SAMD5: variants seen among roughly 807,000 people sequenced by gnomAD.
The protein encoded by SAMD5 is sterile alpha motif domain-containing protein 5.
A neutral mutation model predicts 11.3 loss-of-function variants in SAMD5; 13 were observed. The ratio of observed to expected loss-of-function variants is 1.15; its 90% confidence interval spans 0.75 to 1.83. The LOEUF (loss-of-function observed/expected upper bound fraction) is 1.83. SAMD5 is among the 40% of genes most tolerant of loss of function. The probability of loss-of-function intolerance (pLI) is 0.00; values close to 1 mark genes in which losing one functional copy is unlikely to be tolerated. For missense variants in SAMD5, 255 were observed against 239.1 expected (o/e 1.07, Z -0.44); for synonymous variants, 129 against 111.3 (o/e 1.16, Z -1.00).
chr6:147,913,105 A>G, the SAMD5 span, among the ~76,000 whole-genome samples: 1 of 152,202 alleles, frequency 6.6e-6, no homozygotes, highest in Non-Finnish European at 1.5e-5. Flanking sequence ...AATATAATTA[A>G]ATCTTTAGAG....
intron 1 of SAMD5, among the ~76,000 whole-genome samples, chr6:147,510,461 G>T (rs1206673013): frequency 1.3e-5 from 2 of 152,154 alleles, no homozygotes; most frequent in Non-Finnish European, 2.9e-5. Context: ...ACTTAGAAGA[G>T]CCCAGGGAGA....
chr6:147,839,025 A>G, the SAMD5 span, among the ~76,000 whole-genome samples: 1 of 152,242 alleles, frequency 6.6e-6, no homozygotes, highest in East Asian at 1.9e-4. Flanking sequence ...CAAAGTTGAA[A>G]TAAATTTCTA....
the SAMD5 span, among the ~76,000 whole-genome samples, chr6:147,793,353 G>A: frequency 6.6e-6 from 1 of 152,116 alleles, no homozygotes; most frequent in Non-Finnish European, 1.5e-5. Flanking sequence ...TTATAAGCAA[G>A]GAAAGTCTAA....
In SAMD5 at chr6:147,570,007, A is replaced by ACACAG. The variant is rs1355267567; in HGVS notation, c.*5552_*5553insACAGC. 531 of 985,258 alleles carry ACACAG rather than the reference A, an allele frequency of 5.4e-4. No homozygotes were observed. Among genetic ancestry groups the ACACAG allele is most frequent in the Non-Finnish European group, 6.2e-4 (518 of 829,900 alleles). 61.0% of individuals were successfully genotyped at this position (985,258 alleles called of 1,614,324 possible). A position where few individuals can be genotyped will look rare whatever the true frequency, so the allele number is the denominator to read the frequency against. On this transcript the variant is annotated 3_prime_UTR_variant, in exon 2 of 2. Coordinates refer to ENST00000367474, the MANE Select transcript of SAMD5 (RefSeq NM_001030060.3). ...ATATGTCCGCTCTTCAATAAATGTT[A>ACACAG]CGGCTTTCACAGCGGTTCCGCCTTG...
chr6:147,747,674 C>T, the SAMD5 span, among the ~76,000 whole-genome samples: 2 of 151,948 alleles, frequency 1.3e-5, no homozygotes, highest in African/African-American at 4.8e-5. Flanking sequence ...CCACGCCCGG[C>T]TAATTTTTTT....
the SAMD5 span, among the ~76,000 whole-genome samples, chr6:147,789,690 G>A: frequency 6.6e-6 from 1 of 152,056 alleles, no homozygotes; most frequent in Admixed American, 6.6e-5. Context: ...ATCTCACCCA[G>A]GACGCCATAT....
the SAMD5 span, among the ~76,000 whole-genome samples, chr6:147,927,175 A>G: frequency 6.6e-6 from 1 of 152,242 alleles, no homozygotes; most frequent in South Asian, 2.1e-4. Context: ...TGAATTTTAA[A>G]ATAGTTTTTT....
chr6:147,706,897 T>C (rs1460026739), intron 1 of SAMD5, among the ~76,000 whole-genome samples: 1 of 152,188 alleles, frequency 6.6e-6, no homozygotes, highest in Non-Finnish European at 1.5e-5. Flanking sequence ...CATAAATCCA[T>C]GGGGAGACTG....
the SAMD5 span, among the ~76,000 whole-genome samples, chr6:147,866,122 T>C: frequency 4.7e-5 from 7 of 149,568 alleles, no homozygotes; most frequent in East Asian, 3.9e-4. Flanking sequence ...TTTTTTTTTT[T>C]CCCGATAAAC....
chr6:147,792,776 AATG>A, the SAMD5 span, among the ~76,000 whole-genome samples: 1 of 152,168 alleles, frequency 6.6e-6, no homozygotes, highest in Non-Finnish European at 1.5e-5. Flanking sequence ...AACCAACAAC[AATG>A]ATGATGTATG....
At chr6:147,824,630 A>G in the SAMD5 span, among the ~76,000 whole-genome samples, 4 of 152,250 alleles carry the variant, frequency 2.6e-5, no homozygotes, top group Admixed American at 2.6e-4. Context: ...TTGGGAATCA[A>G]TACTAATTAC....
intron 1 of SAMD5, among the ~76,000 whole-genome samples, chr6:147,629,052 A>G (rs560512658): frequency 2.1e-3 from 315 of 152,278 alleles, no homozygotes; most frequent in Non-Finnish European, 3.5e-3. Flanking sequence ...GCATTTTGGG[A>G]GGCCAAGGTG....
the SAMD5 span, among the ~76,000 whole-genome samples, chr6:147,800,431 G>A: frequency 6.6e-6 from 1 of 152,164 alleles, no homozygotes; most frequent in African/African-American, 2.4e-5. Flanking sequence ...CCCGTTCTCA[G>A]ATCTCCAGCT....
chr6:147,924,940 C>G, the SAMD5 span, among the ~76,000 whole-genome samples: 1 of 152,038 alleles, frequency 6.6e-6, no homozygotes, highest in Non-Finnish European at 1.5e-5. Flanking sequence ...TTGTGATTGA[C>G]TAACCATTAA....
chr6:147,860,749 C>T, the SAMD5 span, among the ~76,000 whole-genome samples: 1 of 152,180 alleles, frequency 6.6e-6, no homozygotes, highest in African/African-American at 2.4e-5. Flanking sequence ...GACAAGATAG[C>T]TTTCTTCCAT....
At chr6:147,709,614 A>G (rs1791370014) in intron 1 of SAMD5, among the ~76,000 whole-genome samples, 2 of 152,188 alleles carry the variant, frequency 1.3e-5, no homozygotes, top group Non-Finnish European at 2.9e-5. Flanking sequence ...ACCTAACTGT[A>G]GCTTAAATAC....
intron 1 of SAMD5, among the ~76,000 whole-genome samples, chr6:147,529,967 A>T (rs1028653213): frequency 8.5e-5 from 13 of 152,260 alleles, no homozygotes; most frequent in African/African-American, 3.1e-4. Flanking sequence ...TATTCTAGAA[A>T]TCAGTTGAGA....
chr6:147,512,653 C>T (rs1004912376), intron 1 of SAMD5, among the ~76,000 whole-genome samples: 10 of 152,162 alleles, frequency 6.6e-5, no homozygotes, highest in African/African-American at 2.4e-4. Context: ...GGAAGAGTTC[C>T]TCTTCTGCCC....
rs774649997 is a variant in SAMD5 at position 147,509,370 on chromosome 6, C to A, written c.442C>A (p.Pro148Thr). The A allele has an allele frequency of 1.3e-6, 2 of 1,559,210 alleles. No homozygotes were observed. The highest frequency in any genetic ancestry group is 2.5e-5 in the East Asian group (1 of 39,966). ...LVRDGIHLSK[P>T]PYSRKVPMAG... ...CCGTGACGGCATCCACCTGAGCAAGCCCCCGTACTCCCGCAAGGTAAGGAG... is the reference window on the plus strand; with the variant it reads ...CCGTGACGGCATCCACCTGAGCAAGACCCCGTACTCCCGCAAGGTAAGGAG... The change falls in exon 1 of 2, where the codon CCC becomes ACC. Residue 148 changes from proline (P) to threonine (T), a missense_variant. Pro to Thr is a conservative substitution (Grantham distance 38). Coordinates refer to ENST00000367474, the MANE Select transcript of SAMD5 (RefSeq NM_001030060.3).
Sources: gnomAD v4.1 joint callset for allele counts (sites outside exome capture counted in the v4.1 genomes callset) on GRCh38, gnomAD v4.1.1 for gene constraint, MANE v1.5 for transcripts, NCBI Gene and HGNC (gene_info 2026-07-23, HGNC 2026-07-21) for gene names.